Variants in AKAP13 observed in about 807,000 individuals in gnomAD.
AKAP13 encodes the protein A-kinase anchor protein 13.
Under a neutral mutation model 264.5 loss-of-function variants are expected in AKAP13, and 80 were observed. That is an observed-to-expected ratio of 0.30 (90% CI 0.25 to 0.36). The LOEUF (loss-of-function observed/expected upper bound fraction) is 0.36, where lower values mean the gene tolerates loss of function less well. AKAP13 is among the 10% of genes least tolerant of loss of function. The pLI is 1.00. For missense variants in AKAP13, 3,712 were observed against 3,435.2 expected (o/e 1.08, Z -2.01); for synonymous variants, 1,380 against 1,250.2 (o/e 1.10, Z -2.19).
At chr15:85,615,538 G>T (rs1198238149) in intron 8 of AKAP13, among the ~76,000 whole-genome samples, 2 of 152,168 alleles carry the variant, frequency 1.3e-5, no homozygotes, top group East Asian at 3.8e-4. Flanking sequence ...TGCTCAAGTG[G>T]AGGCTAAATG....
At chr15:85,713,095 A>C (rs2086718657) in intron 19 of AKAP13, among the ~76,000 whole-genome samples, 1 of 152,206 alleles carries the variant, frequency 6.6e-6, no homozygotes. Flanking sequence ...AACATTCCTT[A>C]AGTGTTAGCT....
At position 85,524,944 on chromosome 15, in the gene AKAP13, AG is replaced by A. The variant is rs750241960; in HGVS notation, c.181+3370del. Among the ~76,000 whole-genome samples, 3 of 151,462 alleles carry A rather than the reference AG, an allele frequency of 2.0e-5. No individual in the cohort carries two copies. The East Asian group carries it at 5.8e-4, about 29-fold the overall frequency. ...AGAAGTTGTAAAGGCCTTTTAAAGT[AG>A]TTATGATGTGATTTCCCCTCCTTTT... On this transcript the variant is annotated intron_variant, in intron 3 of 36. Coordinates refer to ENST00000394518, the MANE Select transcript of AKAP13 (RefSeq NM_007200.5).
chr15:85,449,489 C>T (rs972787139), intron 1 of AKAP13, among the ~76,000 whole-genome samples: 4 of 152,072 alleles, frequency 2.6e-5, no homozygotes, highest in Admixed American at 1.3e-4. Flanking sequence ...TGAGAGAGGG[C>T]GTCTTTGTCT....
At chr15:85,578,462 C>T (rs974544392) in intron 6 of AKAP13, among the ~76,000 whole-genome samples, 4 of 152,160 alleles carry the variant, frequency 2.6e-5, no homozygotes, top group Non-Finnish European at 4.4e-5. Context: ...ATTCTCCTGC[C>T]TCAGCCTCCC....
At chr15:85,729,900 C>T (rs1373156223) in intron 29 of AKAP13, among the ~76,000 whole-genome samples, 1 of 151,876 alleles carries the variant, frequency 6.6e-6, no homozygotes, top group East Asian at 1.9e-4. Flanking sequence ...GCCAAGAGTG[C>T]ACCATTGCAC....
intron 8 of AKAP13, among the ~76,000 whole-genome samples, chr15:85,630,556 T>C (rs897447976): frequency 6.6e-6 from 1 of 152,232 alleles, no homozygotes; most frequent in Non-Finnish European, 1.5e-5. Context: ...TTACTACTTC[T>C]GCTTTTAAGG....
intron 12 of AKAP13, 52 bp downstream of exon 12, chr15:85,658,642 C>T: frequency 4.7e-6 from 7 of 1,498,798 alleles, no homozygotes; most frequent in Non-Finnish European, 6.5e-6. Flanking sequence ...TGAGCATATA[C>T]TAACAAGCAT....
chr15:85,442,526 A>ATATTATATAATATATATTATATTATAT, intron 1 of AKAP13, among the ~76,000 whole-genome samples: 1 of 110,068 alleles, frequency 9.1e-6, no homozygotes, highest in East Asian at 2.3e-4. Flanking sequence ...ATATTATATT[A>ATATTATATAATATATATTATATTATAT]TATATAATAT....
At chr15:85,535,341 C>G (rs905346445) in intron 4 of AKAP13, 1 of 152,218 alleles carries the variant, frequency 6.6e-6, no homozygotes, top group African/African-American at 2.4e-5. Flanking sequence ...CCCATACTGT[C>G]AGGTGCATAC....
chr15:85,442,525 TATATATA>T (rs2073736974), intron 1 of AKAP13, among the ~76,000 whole-genome samples: 2 of 81,900 alleles, frequency 2.4e-5, no homozygotes, highest in African/African-American at 8.0e-5. Context: ...TATATTATAT[TATATATA>T]ATATATATTA....
At chr15:85,611,881 A>G (rs2080645822) in intron 8 of AKAP13, among the ~76,000 whole-genome samples, 1 of 152,078 alleles carries the variant, frequency 6.6e-6, no homozygotes, top group Non-Finnish European at 1.5e-5. Context: ...CTACAGCACC[A>G]TCCACACATA....
intron 1 of AKAP13, among the ~76,000 whole-genome samples, chr15:85,394,065 C>T (rs955167822): frequency 2.0e-5 from 3 of 152,152 alleles, no homozygotes; most frequent in African/African-American, 7.2e-5. Context: ...CACATTTGTT[C>T]ACATCTTCAA....
At chr15:85,707,597 C>CA (rs2086371798) in intron 17 of AKAP13, among the ~76,000 whole-genome samples, 1 of 152,200 alleles carries the variant, frequency 6.6e-6, no homozygotes, top group African/African-American at 2.4e-5. Context: ...ACATTGATGG[C>CA]AGACACTTTC....
chr15:85,699,393 A>C (rs234956), intron 17 of AKAP13, among the ~76,000 whole-genome samples: 20,954 of 152,074 alleles, frequency 0.14, 2,019 homozygotes, highest in East Asian at 0.34. Flanking sequence ...GCAGTGAGCC[A>C]AGATCACACC....
chr15:85,736,568 T>C (rs539399787), intron 33 of AKAP13, among the ~76,000 whole-genome samples: 10 of 152,282 alleles, frequency 6.6e-5, no homozygotes, highest in African/African-American at 2.4e-5. Flanking sequence ...CGGCTAACTT[T>C]TGTATTTTTT....
At chr15:85,538,256 A>T (rs1309238785) in intron 4 of AKAP13, among the ~76,000 whole-genome samples, 3 of 152,152 alleles carry the variant, frequency 2.0e-5, no homozygotes, top group Non-Finnish European at 2.9e-5. Flanking sequence ...TTATTTACTC[A>T]TGATATTGTA....
At position 85,745,903 on chromosome 15, in the gene AKAP13, G is replaced by C. The variant is rs116949562; in HGVS notation, c.*1226G>C. ...AAAATACATGTAAAGGTCTGTTGTTGAATTGTACTCTGCCCCTGGAAGCAG... is the reference window on the plus strand; with the variant it reads ...AAAATACATGTAAAGGTCTGTTGTTCAATTGTACTCTGCCCCTGGAAGCAG... On this transcript the variant is annotated 3_prime_UTR_variant, in exon 37 of 37. Coordinates refer to ENST00000394518, the MANE Select transcript of AKAP13 (RefSeq NM_007200.5). 1.3e-5 allele frequency: 2 copies of C among 152,268 alleles called. No homozygotes were observed. The highest frequency in any genetic ancestry group is 2.9e-5 in the Non-Finnish European group (2 of 68,064). 9.4% of individuals were successfully genotyped at this position (152,268 alleles called of 1,614,324 possible).
chr15:85,584,988 G>A (rs1053591400), intron 7 of AKAP13, among the ~76,000 whole-genome samples: 3 of 152,150 alleles, frequency 2.0e-5, no homozygotes, highest in Non-Finnish European at 4.4e-5. Context: ...GTATTTGCTT[G>A]ACCATGTGGT....
At chr15:85,611,104 C>T (rs1419341863) in intron 8 of AKAP13, among the ~76,000 whole-genome samples, 1 of 152,192 alleles carries the variant, frequency 6.6e-6, no homozygotes, top group Admixed American at 6.5e-5. Context: ...AAATATTTGC[C>T]TAGCAAAATC....
Sources: allele counts gnomAD v4.1 joint callset (sites outside exome capture counted in the v4.1 genomes callset), GRCh38; gene constraint gnomAD v4.1.1; transcripts MANE v1.5; gene names NCBI Gene and HGNC (gene_info 2026-07-23, HGNC 2026-07-21).